The following DYNC2LI1 variants were observed in gnomAD, a reference collection of about 807,000 sequenced individuals.
The protein encoded by DYNC2LI1 is dynein cytoplasmic 2 light intermediate chain 1.
DYNC2LI1 carries 45 observed loss-of-function variants against 51.9 expected under a neutral mutation model. That is an observed-to-expected ratio of 0.87 (90% confidence interval 0.68 to 1.11). The LOEUF is 1.11. DYNC2LI1 is among the 50% of genes most tolerant of loss of function. DYNC2LI1 has a pLI of 0.00. For synonymous variants in DYNC2LI1, 130 were observed against 137.8 expected (o/e 0.94, Z 0.40); for missense variants, 490 against 417.4 (o/e 1.17, Z -1.51).
At chr2:43,796,331 C>T (rs1674035011) in intron 7 of DYNC2LI1, among the ~76,000 whole-genome samples, 1 of 131,148 alleles carries the variant, frequency 7.6e-6, no homozygotes, top group Non-Finnish European at 1.5e-5. Flanking sequence ...AGACACTTGT[C>T]TCAAAAAAAA....
intron 1 of DYNC2LI1, 143 bp downstream of exon 1, chr2:43,774,289 G>T (rs1672910725): frequency 3.7e-6 from 4 of 1,084,532 alleles, no homozygotes; most frequent in Non-Finnish European, 5.4e-6. Flanking sequence ...CTAGGAATCA[G>T]CCTTGAGCAT....
At position 43,796,798 on chromosome 2, in the gene DYNC2LI1, T is replaced by G; in HGVS notation, c.654+3T>G. On this transcript the variant is annotated splice_donor_region_variant and intron_variant, in intron 8 of 12. Coordinates refer to ENST00000260605, the MANE Select transcript of DYNC2LI1 (RefSeq NM_016008.4). ...ATTATTATGGAGCATCATTAATGGT[T>G]TGTACATTTCTTGTCCTTTGGGCTT... 6.2e-7 allele frequency: 1 copy of G among 1,612,842 alleles called. No homozygotes were observed. Among genetic ancestry groups the G allele is most frequent in the Non-Finnish European group, 8.5e-7 (1 of 1,179,184 alleles).
At chr2:43,821,590 C>T in the DYNC2LI1 span, among the ~76,000 whole-genome samples, 11 of 152,220 alleles carry the variant, frequency 7.2e-5, no homozygotes, top group African/African-American at 2.6e-4. Context: ...ATCTGGGGAC[C>T]CTATTCTCCC....
At chr2:43,806,381 G>C (rs1397286730) in intron 12 of DYNC2LI1, among the ~76,000 whole-genome samples, 3 of 152,192 alleles carry the variant, frequency 2.0e-5, no homozygotes. Flanking sequence ...GTAGGAGCCA[G>C]GGTTTTTTTC....
chr2:43,819,912 T>TA, the DYNC2LI1 span: 32 of 1,613,994 alleles, frequency 2.0e-5, no homozygotes, highest in Non-Finnish European at 2.5e-5. Flanking sequence ...TATGATATCT[T>TA]ACCTGAGGAA....
intron 6 of DYNC2LI1, among the ~76,000 whole-genome samples, 199 bp from the exon 7 acceptor site, chr2:43,795,691 A>G (rs1156289478): frequency 6.6e-6 from 1 of 152,200 alleles, no homozygotes; most frequent in Non-Finnish European, 1.5e-5. Flanking sequence ...AATTTAGGGA[A>G]TTGCCATTTC....
chr2:43,781,053 A>G (rs541638884), intron 2 of DYNC2LI1, among the ~76,000 whole-genome samples: 2 of 152,288 alleles, frequency 1.3e-5, no homozygotes, highest in Admixed American at 6.5e-5. Flanking sequence ...AGTGCTATAC[A>G]TTTATATGAA....
Position 43,804,645 on chromosome 2 carries a change from C to G in DYNC2LI1, c.806C>G (p.Ser269Cys), listed in dbSNP as rs1187347724. 1.9e-6 allele frequency: 3 copies of G among 1,591,400 alleles called. No individual in the cohort carries two copies. Among genetic ancestry groups the G allele is most frequent in the East Asian group, 4.5e-5 (2 of 44,446 alleles). The change falls in exon 11 of 13, where the codon TCT (serine) becomes TGT (cysteine). Residue 269 changes from serine to cysteine, a missense_variant. Ser to Cys is a moderately radical substitution (Grantham distance 112). Coordinates refer to ENST00000260605, the MANE Select transcript of DYNC2LI1 (RefSeq NM_016008.4). Reference protein sequence around the residue: ...AGLDSFGQIGSPPVPENDIGK... With the variant: ...AGLDSFGQIGCPPVPENDIGK... Reference sequence around the variant, plus strand: ...GTGGTAAAACTTGCTATTTTAGGATCTCCTCCTGTTCCTGAAAATGACATT... The same window carrying G: ...GTGGTAAAACTTGCTATTTTAGGATGTCCTCCTGTTCCTGAAAATGACATT...
chr2:43,813,741 A>G (rs1572737333), downstream of DYNC2LI1, among the ~76,000 whole-genome samples: 2 of 84,202 alleles, frequency 2.4e-5, no homozygotes, highest in South Asian at 3.7e-4. Context: ...TTTTTGAGAC[A>G]CAGTTTCACT....
At chr2:43,813,708 C>T (rs565464350), downstream of DYNC2LI1, among the ~76,000 whole-genome samples, 4,038 of 33,146 alleles carry the variant, frequency 0.12, 17 homozygotes, top group African/African-American at 0.14. Context: ...TTTTTTTTTT[C>T]GTTTTTTTTT....
the DYNC2LI1 span, chr2:43,823,050 G>GAACCCCCCTAGCT: frequency 6.9e-7 from 1 of 1,445,572 alleles, no homozygotes; most frequent in Non-Finnish European, 9.5e-7. Context: ...ACCAGCTAGG[G>GAACCCCCCTAGCT]GGGTTCCCTA....
chr2:43,790,779 C>G (rs1224389947), intron 5 of DYNC2LI1, among the ~76,000 whole-genome samples: 2 of 152,108 alleles, frequency 1.3e-5, no homozygotes, highest in Non-Finnish European at 2.9e-5. Context: ...TCTTGCTTTT[C>G]CACTTTTGAA....
chr2:43,776,264 G>A (rs1322237494), intron 1 of DYNC2LI1, among the ~76,000 whole-genome samples: 1 of 152,020 alleles, frequency 6.6e-6, no homozygotes, highest in Non-Finnish European at 1.5e-5. Context: ...CTGATCTCAA[G>A]TGATCCTCCT....
rs72178749 is a variant in DYNC2LI1 at position 43,782,011 on chromosome 2, A to ATGTG, written c.127-1487_127-1484dup. ...TACATTTGTGTGTTTGTTTCTGTCTATGTGTGTGTGTGTGTGTGTGTGTGT... is the reference window on the plus strand; with the variant it reads ...TACATTTGTGTGTTTGTTTCTGTCTATGTGTGTGTGTGTGTGTGTGTGTGTGTGT... On this transcript the variant is annotated intron_variant, in intron 2 of 12. Coordinates refer to ENST00000260605, the MANE Select transcript of DYNC2LI1 (RefSeq NM_016008.4). 7.1e-4 allele frequency among the ~76,000 whole-genome samples: 106 copies of ATGTG among 148,738 alleles called. 2 individuals carry two copies. The highest frequency in any genetic ancestry group is 2.3e-3 in the East Asian group (12 of 5,126).
chr2:43,813,060 A>C, downstream of DYNC2LI1: 1 of 788,416 alleles, frequency 1.3e-6, no homozygotes, highest in Non-Finnish European at 2.3e-6. Flanking sequence ...TCAGACGTTC[A>C]GAGCAGTCAT....
the DYNC2LI1 span, among the ~76,000 whole-genome samples, chr2:43,827,354 TG>T: frequency 1.3e-5 from 2 of 149,476 alleles, no homozygotes; most frequent in Non-Finnish European, 3.0e-5. Flanking sequence ...TGACAAGAGC[TG>T]TTAAAAACAT....
At chr2:43,780,646 G>C (rs75372847) in intron 2 of DYNC2LI1, among the ~76,000 whole-genome samples, 3 of 152,108 alleles carry the variant, frequency 2.0e-5, no homozygotes, top group Admixed American at 6.5e-5. Flanking sequence ...AAAAGGCTGA[G>C]ATATTGGGGA....
At chr2:43,800,399 C>T (rs1666034270) in intron 8 of DYNC2LI1, among the ~76,000 whole-genome samples, 1 of 152,168 alleles carries the variant, frequency 6.6e-6, no homozygotes, top group South Asian at 2.1e-4. Context: ...TGGAAGGCAG[C>T]AATACGCCCT....
At chr2:43,804,445 T>G (rs929025254) in intron 10 of DYNC2LI1, among the ~76,000 whole-genome samples, 197 bp from the exon 11 acceptor site, 1 of 152,202 alleles carries the variant, frequency 6.6e-6, no homozygotes, top group Admixed American at 6.6e-5. Context: ...ACTCTTTGCC[T>G]CCTCTTCTTT....
Sources: allele counts gnomAD v4.1 joint callset (sites outside exome capture counted in the v4.1 genomes callset), GRCh38; gene constraint gnomAD v4.1.1; transcripts MANE v1.5; gene names NCBI Gene and HGNC (gene_info 2026-07-23, HGNC 2026-07-21).